ZDHHC20: variants seen among roughly 807,000 people sequenced by gnomAD.
The protein encoded by ZDHHC20 is zDHHC palmitoyltransferase 20, also known as palmitoyltransferase ZDHHC20.
Under a neutral mutation model 57.8 loss-of-function variants are expected in ZDHHC20, and 43 were observed. The ratio of observed to expected loss-of-function variants is 0.74; its 90% CI spans 0.58 to 0.96. The LOEUF (loss-of-function observed/expected upper bound fraction) is 0.96, where lower values mean the gene tolerates loss of function less well. Among genes scored for constraint, ZDHHC20 ranks in the 40% least tolerant of loss-of-function variants. The probability of loss-of-function intolerance (pLI) is 0.00; values close to 1 mark genes in which losing one functional copy is unlikely to be tolerated. For synonymous variants in ZDHHC20, 157 were observed against 153.0 expected, an observed-to-expected ratio of 1.03 and a Z score of -0.19; for missense variants, 391 against 441.1, an observed-to-expected ratio of 0.89 and a Z score of 1.02.
At chr13:21,434,222 T>C (rs913631473) in intron 1 of ZDHHC20, among the ~76,000 whole-genome samples, 1 of 152,226 alleles carries the variant, frequency 6.6e-6, no homozygotes, top group Admixed American at 6.5e-5. Flanking sequence ...CTTAACATCT[T>C]CTATCTCACA....
At position 21,387,534 on chromosome 13, in the gene ZDHHC20, T is replaced by C. The variant is rs1874780617; in HGVS notation, c.828A>G (p.Lys276=). ...TTGAAAATATTGGAAGTAGCCAATA[T>C]TTCTTTTCATCACCAAAGACTTGTC... is the stretch of plus-strand genomic sequence containing the variant. ...NWRQVFGDEK[K]YWLLPIFSSL... The change falls in exon 9 of 13, where the codon AAA becomes AAG. Residue 276 remains lysine, a synonymous_variant. Coordinates refer to ENST00000400590, the MANE Select transcript of ZDHHC20 (RefSeq NM_001330059.2). The C allele has an allele frequency of 6.5e-7, 1 of 1,536,904 alleles. No individual in the cohort carries two copies. Among genetic ancestry groups the C allele is most frequent in the Non-Finnish European group, 8.8e-7 (1 of 1,139,562 alleles).
chr13:21,441,760 T>C (rs1458339758), intron 1 of ZDHHC20, among the ~76,000 whole-genome samples: 1 of 152,012 alleles, frequency 6.6e-6, no homozygotes, highest in East Asian at 1.9e-4. Flanking sequence ...TGGGTTTTGT[T>C]GCTAATTTTT....
At chr13:21,380,404 G>A (rs1459223914) in intron 11 of ZDHHC20, among the ~76,000 whole-genome samples, 5 of 151,706 alleles carry the variant, frequency 3.3e-5, no homozygotes, top group South Asian at 2.1e-4. Context: ...GTGAGCCACC[G>A]TTCCTGGCCA....
chr13:21,395,082 T>C (rs1049486944), intron 7 of ZDHHC20, among the ~76,000 whole-genome samples: 1 of 151,810 alleles, frequency 6.6e-6, no homozygotes, highest in African/African-American at 2.4e-5. Flanking sequence ...TTTTTTTTTT[T>C]TTGAGATAGA....
At chr13:21,381,755 T>G in intron 10 of ZDHHC20, 1 of 588,998 alleles carries the variant, frequency 1.7e-6, no homozygotes, top group South Asian at 2.0e-5. Flanking sequence ...AGAATCTGTA[T>G]TCCAACACTG....
chr13:21,407,103 C>T (rs1286569008), intron 4 of ZDHHC20, among the ~76,000 whole-genome samples: 1 of 152,166 alleles, frequency 6.6e-6, no homozygotes. Flanking sequence ...ATTCTCCTGC[C>T]TCAGCCTCTT....
intron 1 of ZDHHC20, among the ~76,000 whole-genome samples, chr13:21,438,192 G>A (rs1882752489): frequency 6.6e-6 from 1 of 152,146 alleles, no homozygotes. Flanking sequence ...CAACTTTCAA[G>A]CCTTATTATT....
At chr13:21,403,596 T>C (rs1010372802) in intron 4 of ZDHHC20, among the ~76,000 whole-genome samples, 17 of 152,266 alleles carry the variant, frequency 1.1e-4, no homozygotes, top group African/African-American at 4.1e-4. Flanking sequence ...CATTGGGGAA[T>C]TGTAATTTTA....
At chr13:21,391,348 C>T (rs545490148) in intron 8 of ZDHHC20, among the ~76,000 whole-genome samples, 3 of 152,304 alleles carry the variant, frequency 2.0e-5, no homozygotes, top group African/African-American at 7.2e-5. Context: ...TAGTTCTCCA[C>T]TTTTATATAT....
chr13:21,377,651 C>T (rs1872448826), intron 12 of ZDHHC20: 1 of 118,732 alleles, frequency 8.4e-6, no homozygotes, highest in South Asian at 9.6e-5. Flanking sequence ...TGTGATCTGA[C>T]TCTGCCCGAC....
chr13:21,417,520 T>C lies in ZDHHC20; in HGVS notation c.249+3541A>G, dbSNP rs1004891770. Among the ~76,000 whole-genome samples, 4 of 152,106 alleles carry C rather than the reference T, an allele frequency of 2.6e-5. No individual in the cohort carries two copies. In the South Asian group the frequency reaches 6.2e-4, roughly 24 times the overall value. ...AATGGCGCAATCTTGGCTTACTGCATCCTCTGCCTCCCAGGTTCAAGCAAT... is the reference window on the plus strand; with the variant it reads ...AATGGCGCAATCTTGGCTTACTGCACCCTCTGCCTCCCAGGTTCAAGCAAT... On this transcript the variant is annotated intron_variant, in intron 3 of 12. Coordinates refer to ENST00000400590, the MANE Select transcript of ZDHHC20 (RefSeq NM_001330059.2).
intron 8 of ZDHHC20, among the ~76,000 whole-genome samples, chr13:21,389,451 T>C (rs907983481): frequency 2.6e-5 from 4 of 152,162 alleles, no homozygotes; most frequent in African/African-American, 7.2e-5. Flanking sequence ...ATACTGCATA[T>C]AGTAGAGATT....
intron 7 of ZDHHC20, among the ~76,000 whole-genome samples, chr13:21,399,135 G>A (rs1046148492): frequency 6.6e-6 from 1 of 152,142 alleles, no homozygotes; most frequent in South Asian, 2.1e-4. Context: ...TTGAAGTCAG[G>A]AGCTCGAGAC....
intron 1 of ZDHHC20, among the ~76,000 whole-genome samples, chr13:21,446,169 CAG>C (rs1355893494): frequency 6.6e-6 from 1 of 152,154 alleles, no homozygotes; most frequent in Non-Finnish European, 1.5e-5. Context: ...GGGTGCTGAG[CAG>C]AGGAGTAATA....
chr13:21,415,419 A>G (rs919004684), intron 3 of ZDHHC20, among the ~76,000 whole-genome samples: 1 of 152,198 alleles, frequency 6.6e-6, no homozygotes, highest in African/African-American at 2.4e-5. Flanking sequence ...GTGTGATGGG[A>G]CAAGAAACCC....
intron 1 of ZDHHC20, among the ~76,000 whole-genome samples, chr13:21,447,048 T>C (rs568804069): frequency 1.3e-5 from 2 of 152,226 alleles, no homozygotes; most frequent in Admixed American, 1.3e-4. Context: ...AAGACCATTC[T>C]GACTGCTTCC....
chr13:21,457,074 A>G (rs1884988107), intron 1 of ZDHHC20, among the ~76,000 whole-genome samples: 1 of 152,180 alleles, frequency 6.6e-6, no homozygotes, highest in South Asian at 2.1e-4. Flanking sequence ...GGTGAATGAA[A>G]TGTCCCCTCT....
chr13:21,378,892 G>A (rs1449187123), intron 11 of ZDHHC20, among the ~76,000 whole-genome samples, 154 bp from the exon 12 acceptor site: 3 of 151,960 alleles, frequency 2.0e-5, no homozygotes, highest in Non-Finnish European at 4.4e-5. Context: ...ATAGAACCTA[G>A]AAGTAAGTAA....
At position 21,402,874 on chromosome 13, in the gene ZDHHC20, A is replaced by G. The variant is rs765926987; in HGVS notation, c.371-8T>C. The stretch of plus-strand genomic sequence containing the variant: ...TTTCACAATATCTGATAGCTACATG[A>G]AAGAAGTAAAAGGAAGATGCTGAAG... On this transcript the variant is annotated splice_polypyrimidine_tract_variant and splice_region_variant and intron_variant, in intron 4 of 12. Coordinates refer to ENST00000400590, the MANE Select transcript of ZDHHC20 (RefSeq NM_001330059.2). 5 of 1,578,620 alleles carry G rather than the reference A, an allele frequency of 3.2e-6. No individual in the cohort carries two copies. The South Asian group carries it at 5.8e-5, about 18-fold the overall frequency.
Sources: gnomAD v4.1 joint callset for allele counts (sites outside exome capture counted in the v4.1 genomes callset) on GRCh38, gnomAD v4.1.1 for gene constraint, MANE v1.5 for transcripts, NCBI Gene and HGNC (gene_info 2026-07-23, HGNC 2026-07-21) for gene names.